Variants in PATJ observed in about 807,000 individuals in gnomAD.
PATJ encodes the protein PATJ crumbs cell polarity complex component.
A neutral mutation model predicts 224.9 loss-of-function variants in PATJ; 190 were observed. The ratio of observed to expected loss-of-function variants is 0.84; its 90% CI spans 0.75 to 0.95. The LOEUF (loss-of-function observed/expected upper bound fraction) is 0.95, where lower values mean the gene tolerates loss of function less well. PATJ is among the 40% of genes least tolerant of loss of function. PATJ has a pLI of 0.00. For synonymous variants in PATJ, 769 were observed against 820.3 expected (o/e 0.94, Z 1.07); for missense variants, 2,121 against 2,270.3 (o/e 0.93, Z 1.34).
At chr1:61,925,735 G>T (rs1171433368) in intron 26 of PATJ, among the ~76,000 whole-genome samples, 1 of 152,180 alleles carries the variant, frequency 6.6e-6, no homozygotes, top group Non-Finnish European at 1.5e-5. Context: ...TATGCAAAAT[G>T]TGCAGGTGCC....
chr1:61,787,199 TC>T (rs1476089907), intron 7 of PATJ, among the ~76,000 whole-genome samples: 1 of 152,170 alleles, frequency 6.6e-6, no homozygotes, highest in Non-Finnish European at 1.5e-5. Context: ...GTAATGTCAC[TC>T]CTCTGTTTCA....
intron 10 of PATJ, 56 bp from the exon 11 acceptor site, chr1:61,797,231 G>A: frequency 6.4e-7 from 1 of 1,562,502 alleles, no homozygotes; most frequent in Non-Finnish European, 8.8e-7. Context: ...TGTTGCCAGA[G>A]CTAAAAATAG....
At chr1:61,924,905 G>A (rs1398519722) in intron 26 of PATJ, among the ~76,000 whole-genome samples, 2 of 151,892 alleles carry the variant, frequency 1.3e-5, no homozygotes, top group Non-Finnish European at 2.9e-5. Flanking sequence ...CCCAAGACAT[G>A]TTCTTGTACA....
chr1:61,991,959 A>G (rs1645088252), intron 28 of PATJ, among the ~76,000 whole-genome samples: 1 of 152,202 alleles, frequency 6.6e-6, no homozygotes, highest in African/African-American at 2.4e-5. Flanking sequence ...CTTTATGGTA[A>G]CAACTATTAT....
chr1:62,084,544 C>T lies in PATJ; in HGVS notation c.4273C>T (p.Pro1425Ser). ...TTTCCAGGCTCCTCTGTCAGTGGAC[C>T]CCGCAACGTGTCCCATTGTCCCTGG... The part of the protein sequence containing the change: ...GGFQAPLSVD[P>S]ATCPIVPGQE... The change falls in exon 33 of 44, where the codon CCC becomes TCC. Residue 1425 changes from proline to serine, a missense_variant. Coordinates refer to ENST00000642238, the MANE Select transcript of PATJ (RefSeq NM_001350145.3). The T allele has an allele frequency of 6.2e-7, 1 of 1,612,754 alleles. No individual in the cohort carries two copies. The highest frequency in any genetic ancestry group is 8.5e-7 in the Non-Finnish European group (1 of 1,179,570).
chr1:61,835,079 A>G (rs1357316089), intron 17 of PATJ, among the ~76,000 whole-genome samples: 2 of 152,092 alleles, frequency 1.3e-5, no homozygotes, highest in East Asian at 3.9e-4. Flanking sequence ...AAAGAAATCT[A>G]TTTCATTTTT....
chr1:62,110,358 A>C (rs1429569129), intron 34 of PATJ, among the ~76,000 whole-genome samples: 1 of 152,206 alleles, frequency 6.6e-6, no homozygotes, highest in Non-Finnish European at 1.5e-5. Context: ...TTGAGAAGAC[A>C]GGCCTGTTTT....
chr1:62,037,112 C>T (rs924928385), intron 29 of PATJ, among the ~76,000 whole-genome samples: 2 of 151,916 alleles, frequency 1.3e-5, no homozygotes, highest in South Asian at 2.1e-4. Flanking sequence ...GAGAAATCTG[C>T]GAACAGTCTA....
intron 33 of PATJ, among the ~76,000 whole-genome samples, chr1:62,099,299 T>C (rs1485042664): frequency 4.0e-5 from 6 of 151,228 alleles, no homozygotes; most frequent in Non-Finnish European, 8.8e-5. Flanking sequence ...ACCATAGTTT[T>C]TTTCAAAGGA....
intron 25 of PATJ, among the ~76,000 whole-genome samples, chr1:61,909,993 C>G (rs1672392741): frequency 6.6e-6 from 1 of 152,148 alleles, no homozygotes; most frequent in Admixed American, 6.5e-5. Flanking sequence ...GAGAGGTGAG[C>G]TGAATAAAGT....
intron 6 of PATJ, 111 bp from the exon 7 acceptor site, chr1:61,775,095 A>G (rs1646839424): frequency 9.0e-7 from 1 of 1,108,202 alleles, no homozygotes; most frequent in Non-Finnish European, 1.3e-6. Flanking sequence ...GATTAATTGC[A>G]TGAATGTTCA....
chr1:61,823,216 C>G, intron 15 of PATJ, 137 bp downstream of exon 15: 2 of 782,388 alleles, frequency 2.6e-6, no homozygotes, highest in East Asian at 5.2e-5. Context: ...AAAAACCGAA[C>G]AGCTTACTGG....
intron 41 of PATJ, among the ~76,000 whole-genome samples, chr1:62,131,930 C>A (rs911427492): frequency 1.1e-4 from 17 of 151,196 alleles, no homozygotes; most frequent in African/African-American, 4.1e-4. Context: ...TGCACTGCAA[C>A]CTCCCCCTCC....
At chr1:62,125,756 T>C (rs72677960) in intron 39 of PATJ, among the ~76,000 whole-genome samples, 6,351 of 152,148 alleles carry the variant, frequency 0.042, 152 homozygotes, top group Middle Eastern at 0.048. Context: ...CCACACGTGA[T>C]CCAAGCATAA....
intron 27 of PATJ, among the ~76,000 whole-genome samples, chr1:61,960,881 G>C (rs1172457104): frequency 2.0e-5 from 3 of 152,130 alleles, no homozygotes; most frequent in African/African-American, 7.2e-5. Flanking sequence ...GTTCTAGACA[G>C]TTATATCTTC....
chr1:62,003,193 C>G (rs1369189717), intron 28 of PATJ, among the ~76,000 whole-genome samples: 1 of 152,208 alleles, frequency 6.6e-6, no homozygotes, highest in Non-Finnish European at 1.5e-5. Flanking sequence ...TAGTCACCTA[C>G]TTCATTTGGT....
At position 61,752,311 on chromosome 1, in the gene PATJ, CTT is replaced by C. The variant is rs370759266; in HGVS notation, c.-36+9775_-36+9776del. Among the ~76,000 whole-genome samples, 24 of 124,032 alleles carry C rather than the reference CTT, an allele frequency of 1.9e-4. 1 individual carries two copies. Among genetic ancestry groups the C allele is most frequent in the Admixed American group, 7.9e-4 (9 of 11,364 alleles). 81.4% of individuals were successfully genotyped at this position (124,032 alleles called of 152,430 possible). A position where few individuals can be genotyped will look rare whatever the true frequency, so the allele number is the denominator to read the frequency against. Reference sequence around the variant, plus strand: ...AAAAACTGACTCTTTTCATTTCTTTCTTTTTTTTTTTTTTTTTTTTAAGACGG... The same window carrying C: ...AAAAACTGACTCTTTTCATTTCTTTCTTTTTTTTTTTTTTTTTTAAGACGG... On this transcript the variant is annotated intron_variant, in intron 1 of 43. Coordinates refer to ENST00000642238, the MANE Select transcript of PATJ (RefSeq NM_001350145.3).
intron 26 of PATJ, among the ~76,000 whole-genome samples, chr1:61,915,034 A>G (rs1403971934): frequency 7.2e-5 from 11 of 152,132 alleles, no homozygotes. Context: ...AATCCTTTTC[A>G]TTCTTTAAGG....
intron 42 of PATJ, among the ~76,000 whole-genome samples, chr1:62,149,041 T>C (rs1410542872): frequency 2.0e-5 from 3 of 151,098 alleles, no homozygotes; most frequent in Non-Finnish European, 4.4e-5. Flanking sequence ...GGCAGGAGAA[T>C]TGCTTGAACC....
Sources: gnomAD v4.1 joint callset for allele counts (sites outside exome capture counted in the v4.1 genomes callset) on GRCh38, gnomAD v4.1.1 for gene constraint, MANE v1.5 for transcripts, NCBI Gene and HGNC (gene_info 2026-07-23, HGNC 2026-07-21) for gene names.